The following TAFA4 variants were observed in gnomAD, a reference collection of about 807,000 sequenced individuals.
The protein encoded by TAFA4 is TAFA chemokine like family member 4.
Under a neutral mutation model 21.1 loss-of-function variants are expected in TAFA4, and 20 were observed. The ratio of observed to expected loss-of-function variants is 0.95; its 90% CI spans 0.67 to 1.38. The LOEUF (loss-of-function observed/expected upper bound fraction) is 1.38, where lower values mean the gene tolerates loss of function less well. Ranked by LOEUF, TAFA4 falls within the 40% of genes most tolerant of loss-of-function variation. The probability of loss-of-function intolerance (pLI) is 0.00; values close to 1 mark genes in which losing one functional copy is unlikely to be tolerated. For missense variants in TAFA4, 211 were observed against 180.9 expected (o/e 1.17, Z -0.95); for synonymous variants, 71 against 67.4 (o/e 1.05, Z -0.26).
chr3:68,878,684 A>G (rs1258638134), intron 3 of TAFA4, among the ~76,000 whole-genome samples: 1 of 152,198 alleles, frequency 6.6e-6, no homozygotes, highest in East Asian at 1.9e-4. Context: ...ACACAGTCCC[A>G]TATGTGTATG....
At chr3:68,790,709 A>G (rs1703345607) in intron 3 of TAFA4, among the ~76,000 whole-genome samples, 1 of 152,190 alleles carries the variant, frequency 6.6e-6, no homozygotes, top group Non-Finnish European at 1.5e-5. Flanking sequence ...AAGTGGTACA[A>G]TGGCATAGTA....
intron 3 of TAFA4, among the ~76,000 whole-genome samples, chr3:68,793,818 G>A (rs1053223932): frequency 2.6e-5 from 4 of 152,150 alleles, no homozygotes; most frequent in African/African-American, 9.7e-5. Flanking sequence ...GAGATAAAGT[G>A]CAATTCAGAA....
Position 68,906,939 on chromosome 3 carries a change from G to A in TAFA4, c.-122-21629C>T, listed in dbSNP as rs540519268. ...TCAGTTACTTGGGAGGCCGACGTGG[G>A]AAGATCACTTGAGCCCGGGAGGTGG... On this transcript the variant is annotated intron_variant, in intron 1 of 5. Coordinates refer to ENST00000295569, the MANE Select transcript of TAFA4 (RefSeq NM_182522.5). 3.3e-5 allele frequency among the ~76,000 whole-genome samples: 5 copies of A among 150,934 alleles called. No individual in the cohort carries two copies. The South Asian group carries it at 1.1e-3, about 32-fold the overall frequency.
chr3:68,790,138 A>G (rs993576055), intron 3 of TAFA4, among the ~76,000 whole-genome samples: 2 of 152,174 alleles, frequency 1.3e-5, no homozygotes, highest in African/African-American at 4.8e-5. Context: ...ATATATAATT[A>G]TCATATAAAG....
At chr3:68,857,309 A>G (rs1408855328) in intron 3 of TAFA4, among the ~76,000 whole-genome samples, 5 of 152,216 alleles carry the variant, frequency 3.3e-5, no homozygotes, top group Non-Finnish European at 5.9e-5. Flanking sequence ...ATAAGGGACT[A>G]TCATGGCCTG....
intron 1 of TAFA4, among the ~76,000 whole-genome samples, chr3:68,911,681 A>C (rs982795611): frequency 6.6e-6 from 1 of 152,238 alleles, no homozygotes; most frequent in Non-Finnish European, 1.5e-5. Context: ...GTTCACCTGT[A>C]ACCATGAGTT....
At chr3:68,738,173 A>T (rs17047948) in intron 5 of TAFA4, among the ~76,000 whole-genome samples, 2,669 of 152,284 alleles carry the variant, frequency 0.018, 88 homozygotes, top group African/African-American at 0.061. Context: ...CCAGAAAAGA[A>T]AGGAGGGAAA....
intron 5 of TAFA4, among the ~76,000 whole-genome samples, chr3:68,738,458 C>G (rs1702284246): frequency 6.6e-6 from 1 of 152,132 alleles, no homozygotes; most frequent in African/African-American, 2.4e-5. Flanking sequence ...CTAGATTCAT[C>G]TCCATATGAG....
chr3:68,816,405 G>C (rs972902993), intron 3 of TAFA4, among the ~76,000 whole-genome samples: 7 of 152,012 alleles, frequency 4.6e-5, no homozygotes, highest in Non-Finnish European at 8.8e-5. Flanking sequence ...TCAGTGTTTT[G>C]TAGTTTCCAG....
At chr3:68,875,591 G>GT (rs1394871213) in intron 3 of TAFA4, among the ~76,000 whole-genome samples, 1 of 152,148 alleles carries the variant, frequency 6.6e-6, no homozygotes, top group Non-Finnish European at 1.5e-5. Context: ...GGGACAGGAA[G>GT]AAGGAAGATA....
chr3:68,835,065 C>A (rs1364686233), intron 3 of TAFA4, among the ~76,000 whole-genome samples: 1 of 152,148 alleles, frequency 6.6e-6, no homozygotes, highest in Admixed American at 6.5e-5. Context: ...AACACTCTGG[C>A]CTTATCACCT....
chr3:68,747,833 A>C (rs996113916), intron 4 of TAFA4, among the ~76,000 whole-genome samples: 1 of 152,162 alleles, frequency 6.6e-6, no homozygotes, highest in Non-Finnish European at 1.5e-5. Flanking sequence ...AAATTCCCAG[A>C]AGGCAGGAAT....
intron 3 of TAFA4, among the ~76,000 whole-genome samples, chr3:68,788,596 T>C (rs1267108231): frequency 1.3e-5 from 2 of 152,074 alleles, no homozygotes; most frequent in East Asian, 3.9e-4. Flanking sequence ...AGTTTTATAG[T>C]TTTAGGCGTT....
intron 3 of TAFA4, among the ~76,000 whole-genome samples, chr3:68,828,952 T>G (rs1017146493): frequency 6.6e-6 from 1 of 152,182 alleles, no homozygotes; most frequent in African/African-American, 2.4e-5. Flanking sequence ...CCATGTCCTG[T>G]GCTGGTTTTC....
At chr3:68,879,559 A>G (rs1352921078) in intron 3 of TAFA4, among the ~76,000 whole-genome samples, 2 of 152,234 alleles carry the variant, frequency 1.3e-5, no homozygotes, top group Non-Finnish European at 2.9e-5. Flanking sequence ...GGCACAGCAC[A>G]ATAACCAACT....
At chr3:68,895,845 T>A (rs1436567389) in intron 1 of TAFA4, among the ~76,000 whole-genome samples, 1 of 152,180 alleles carries the variant, frequency 6.6e-6, no homozygotes, top group African/African-American at 2.4e-5. Context: ...AACTGTGGAC[T>A]GAGAGAAGCA....
At chr3:68,897,749 A>C (rs1356431763) in intron 1 of TAFA4, among the ~76,000 whole-genome samples, 6 of 152,158 alleles carry the variant, frequency 3.9e-5, no homozygotes, top group African/African-American at 1.4e-4. Context: ...AAGACACCAC[A>C]CACTAACCGG....
At chr3:68,744,587 T>C (rs9682904) in intron 4 of TAFA4, among the ~76,000 whole-genome samples, 97,518 of 151,954 alleles carry the variant, frequency 0.64, 31,919 homozygotes, top group East Asian at 0.98. Flanking sequence ...TAAATTCCAG[T>C]CAGCACTTAC....
intron 3 of TAFA4, among the ~76,000 whole-genome samples, chr3:68,875,465 T>C (rs190762269): frequency 6.6e-6 from 1 of 152,286 alleles, no homozygotes; most frequent in East Asian, 1.9e-4. Flanking sequence ...CATAGGACCT[T>C]TAAACCATTC....
Sources: gnomAD v4.1 joint callset for allele counts (sites outside exome capture counted in the v4.1 genomes callset) on GRCh38, gnomAD v4.1.1 for gene constraint, MANE v1.5 for transcripts, NCBI Gene and HGNC (gene_info 2026-07-23, HGNC 2026-07-21) for gene names.